The following TRRAP variants were observed in gnomAD, a reference collection of about 807,000 sequenced individuals.
The protein encoded by TRRAP is transformation/transcription domain-associated protein.
Under a neutral mutation model 438.8 loss-of-function variants are expected in TRRAP, and 41 were observed. The observed-to-expected ratio is 0.09, with a 90% CI of 0.07 to 0.12. The LOEUF (loss-of-function observed/expected upper bound fraction) is 0.12, where lower values mean the gene tolerates loss of function less well. TRRAP is among the 10% of genes least tolerant of loss of function. The pLI is 1.00. For synonymous variants in TRRAP, 1,994 were observed against 1,962.9 expected (o/e 1.02, Z -0.42); for missense variants, 3,122 against 5,055.1 (o/e 0.62, Z 11.60).
chr7:98,888,569 T>C (rs1376379194), intron 3 of TRRAP, among the ~76,000 whole-genome samples: 2 of 152,202 alleles, frequency 1.3e-5, no homozygotes, highest in African/African-American at 4.8e-5. Context: ...TCCTTTCTCT[T>C]ATGCTTCCTT....
chr7:98,982,883 G>A (rs2116760111), intron 59 of TRRAP, among the ~76,000 whole-genome samples: 1 of 152,322 alleles, frequency 6.6e-6, no homozygotes, highest in South Asian at 2.1e-4. Flanking sequence ...GGGATGCCAG[G>A]CTGTCCCGAC....
At chr7:99,006,136 T>C (rs1259391749) in intron 69 of TRRAP, among the ~76,000 whole-genome samples, 1 of 152,202 alleles carries the variant, frequency 6.6e-6, no homozygotes, top group African/African-American at 2.4e-5. Context: ...GTCACTGAGT[T>C]ATCGTGAGTG....
chr7:98,923,425 A>G (rs1554410958), intron 21 of TRRAP, among the ~76,000 whole-genome samples: 1 of 152,220 alleles, frequency 6.6e-6, no homozygotes, highest in African/African-American at 2.4e-5. Context: ...GGTATAGCTC[A>G]TAGCTAAGGA....
intron 18 of TRRAP, among the ~76,000 whole-genome samples, chr7:98,914,277 G>A (rs782507096): frequency 6.6e-6 from 1 of 152,124 alleles, no homozygotes; most frequent in South Asian, 2.1e-4. Context: ...GTGTGCACCT[G>A]TAGTCCCAGC....
rs540519141 is a variant in TRRAP at position 98,898,049 on chromosome 7, T to C, written c.633+183T>C. Among the ~76,000 whole-genome samples, 94 of 152,294 alleles carry C rather than the reference T, an allele frequency of 6.2e-4. 1 individual carries two copies. Among genetic ancestry groups the C allele is most frequent in the South Asian group, 1.2e-3 (6 of 4,824 alleles). ...GTGAAAGTGACCTTTTGGGTGTCAT[T>C]GATGCCAGGCTAGAAAGATAAGGTT... On this transcript the variant is annotated intron_variant, in intron 8 of 72. Transcript: ENST00000456197.
At chr7:98,970,065 T>G in intron 51 of TRRAP, 47 bp from the exon 52 acceptor site, 1 of 1,595,714 alleles carries the variant, frequency 6.3e-7, no homozygotes, top group Non-Finnish European at 8.6e-7. Flanking sequence ...ATGCCCTGAA[T>G]GCCACGCGCA....
In TRRAP at chr7:98,890,546, G is replaced by A. The variant is rs1169214056; in HGVS notation, c.261+101G>A. 2.2e-5 allele frequency: 18 copies of A among 831,510 alleles called. No homozygotes were observed. In the East Asian group the frequency reaches 4.4e-4, roughly 21 times the overall value. The allele number at this position is 831,510 out of a possible 1,614,324, so 51.5% of individuals were successfully genotyped here. A position where few individuals can be genotyped will look rare whatever the true frequency, so the allele number is the denominator to read the frequency against. ...TACGGTTCCACTTAAAAACGAAAGA[G>A]GTTTTGTCACATAAGGATAACTTTG... On this transcript the variant is annotated intron_variant, in intron 4 of 72. Coordinates refer to ENST00000456197, the MANE Select transcript of TRRAP (RefSeq NM_001375524.1).
Position 98,896,428 on chromosome 7 carries a change from G to A in TRRAP, c.507+608G>A, listed in dbSNP as rs1480503292. Among the ~76,000 whole-genome samples, 8 of 151,904 alleles carry A rather than the reference G, an allele frequency of 5.3e-5. No homozygotes were observed. In the South Asian group the frequency reaches 1.0e-3, roughly 20 times the overall value. On this transcript the variant is annotated intron_variant, in intron 7 of 72. Coordinates refer to ENST00000456197, the MANE Select transcript of TRRAP (RefSeq NM_001375524.1). ...TTTCTTTTTTTTTGGCTGGGGGTGC[G>A]GGGGTACGGGGTCTCTGTCTGCCCA...
chr7:99,008,315 G>A, intron 69 of TRRAP, 62 bp from the exon 70 acceptor site: 1 of 1,536,948 alleles, frequency 6.5e-7, no homozygotes, highest in Non-Finnish European at 8.9e-7. Flanking sequence ...CTCTGACGGT[G>A]GAGCTGAGCA....
chr7:98,983,876 A>G (rs1342793875), intron 60 of TRRAP, among the ~76,000 whole-genome samples: 2 of 152,106 alleles, frequency 1.3e-5, no homozygotes, highest in African/African-American at 4.8e-5. Context: ...TTGTCATTTT[A>G]TGATTTGGTT....
At chr7:98,901,098 C>A (rs1052664114) in intron 11 of TRRAP, among the ~76,000 whole-genome samples, 1 of 152,196 alleles carries the variant, frequency 6.6e-6, no homozygotes, top group Non-Finnish European at 1.5e-5. Context: ...GTGTAGTTGT[C>A]TTTGCTTGGC....
At chr7:98,890,557 A>G (rs558451851) in intron 4 of TRRAP, 112 bp downstream of exon 4, 9 of 771,984 alleles carry the variant, frequency 1.2e-5, no homozygotes, top group African/African-American at 5.4e-5. Flanking sequence ...GTTTTGTCAC[A>G]TAAGGATAAC....
At position 98,931,638 on chromosome 7, in the gene TRRAP, C is replaced by G; in HGVS notation, c.3825C>G (p.Val1275=). ...QVLAQVTGKS[V]TVIMEPHKEV... ...TGGCCCAGGTCACTGGGAAGAGTGT[C>G]ACGGTGATCATGGAACCCCACAAAG... The change falls in exon 26 of 73, where the codon GTC becomes GTG. Residue 1275 remains valine, a synonymous_variant. Transcript: ENST00000456197. 6.2e-7 allele frequency: 1 copy of G among 1,614,100 alleles called. No individual in the cohort carries two copies. Among genetic ancestry groups the G allele is most frequent in the African/African-American group, 1.3e-5 (1 of 75,036 alleles).
intron 30 of TRRAP, among the ~76,000 whole-genome samples, chr7:98,942,051 T>C (rs1268016536): frequency 1.3e-5 from 2 of 152,248 alleles, no homozygotes; most frequent in African/African-American, 4.8e-5. Flanking sequence ...GCAACTGTTA[T>C]TGAATGCTCT....
At chr7:98,975,735 A>G (rs1792624909) in intron 53 of TRRAP, among the ~76,000 whole-genome samples, 1 of 152,090 alleles carries the variant, frequency 6.6e-6, no homozygotes, top group Non-Finnish European at 1.5e-5. Context: ...ACCTGTTGGC[A>G]AATAGTTTAT....
intron 3 of TRRAP, among the ~76,000 whole-genome samples, chr7:98,886,795 C>A (rs1795736028): frequency 6.6e-6 from 1 of 152,076 alleles, no homozygotes; most frequent in Non-Finnish European, 1.5e-5. Context: ...CAAAATAAAC[C>A]CTCAGGTTAG....
At chr7:98,904,921 G>A (rs17638906) in intron 12 of TRRAP, among the ~76,000 whole-genome samples, 20,417 of 152,030 alleles carry the variant, frequency 0.13, 1,816 homozygotes, top group Non-Finnish European at 0.2. Context: ...TACTTTTTTG[G>A]CACCTGCAAC....
chr7:99,008,795 G>A (rs776131363), intron 70 of TRRAP, among the ~76,000 whole-genome samples: 3 of 152,188 alleles, frequency 2.0e-5, no homozygotes, highest in Admixed American at 6.5e-5. Flanking sequence ...GTCAGTCCTC[G>A]ACCTTGGAGA....
At position 98,948,363 on chromosome 7, in the gene TRRAP, CT is replaced by C. The variant is rs1554417365; in HGVS notation, c.4668+25del. The C allele has an allele frequency of 6.2e-7, 1 of 1,613,978 alleles. No individual in the cohort carries two copies. The highest frequency in any genetic ancestry group is 8.5e-7 in the Non-Finnish European group (1 of 1,179,970). On this transcript the variant is annotated intron_variant, in intron 34 of 72. Transcript: ENST00000456197. The surrounding 1 kb of genome is among the most constrained non-coding windows in gnomAD (Gnocchi z 4.9). ...GAGGTAAGGGCCATACTGAAGGCTG[CT>C]TCTCGCTCTGCCACCCTCCGGTGCT...
Sources: gnomAD v4.1 joint callset for allele counts (sites outside exome capture counted in the v4.1 genomes callset) on GRCh38, gnomAD v4.1.1 for gene constraint, Gnocchi (gnomAD v3.1) non-coding constraint, MANE v1.5 for transcripts, NCBI Gene and HGNC (gene_info 2026-07-23, HGNC 2026-07-21) for gene names.